The following OPCML variants were observed in gnomAD, a reference collection of about 807,000 sequenced individuals.
OPCML encodes the protein opioid-binding protein/cell adhesion molecule.
Under a neutral mutation model 37.8 loss-of-function variants are expected in OPCML, and 13 were observed. The ratio of observed to expected loss-of-function variants is 0.34; its 90% CI spans 0.22 to 0.55. The LOEUF (loss-of-function observed/expected upper bound fraction) is 0.55. Ranked by LOEUF, OPCML falls within the 20% of genes least tolerant of loss-of-function variation. The probability of loss-of-function intolerance (pLI) is 0.91; values close to 1 mark genes in which losing one functional copy is unlikely to be tolerated. For missense variants in OPCML, 341 were observed against 435.6 expected, an observed-to-expected ratio of 0.78 and a Z score of 1.93; for synonymous variants, 176 against 168.8, an observed-to-expected ratio of 1.04 and a Z score of -0.33.
chr11:133,501,896 C>T (rs1341662611), intron 1 of OPCML, among the ~76,000 whole-genome samples: 1 of 152,112 alleles, frequency 6.6e-6, no homozygotes, highest in African/African-American at 2.4e-5. Context: ...GCCTTTCTGC[C>T]CACCAACATG....
At chr11:132,973,443 C>A (rs1409981849) in intron 1 of OPCML, among the ~76,000 whole-genome samples, 1 of 152,200 alleles carries the variant, frequency 6.6e-6, no homozygotes, top group Non-Finnish European at 1.5e-5. Context: ...CAAAAGGTTT[C>A]TACTTTCTTC....
chr11:132,468,378 T>C (rs958048420), intron 4 of OPCML, among the ~76,000 whole-genome samples: 1 of 152,200 alleles, frequency 6.6e-6, no homozygotes, highest in African/African-American at 2.4e-5. Flanking sequence ...CCTGAACAAC[T>C]AGTGCCTTTT....
intron 2 of OPCML, among the ~76,000 whole-genome samples, chr11:132,890,671 C>T (rs1212338115): frequency 6.8e-6 from 1 of 148,080 alleles, no homozygotes; most frequent in Non-Finnish European, 1.5e-5. Context: ...ATGGTGAAAC[C>T]CTGTCTCTAC....
At chr11:133,058,640 A>G (rs930873629) in intron 1 of OPCML, among the ~76,000 whole-genome samples, 5 of 152,194 alleles carry the variant, frequency 3.3e-5, no homozygotes, top group African/African-American at 1.2e-4. Flanking sequence ...ATCTCGGAGC[A>G]CGCTGGCTAA....
chr11:132,439,073 T>C (rs1201121627), intron 4 of OPCML, among the ~76,000 whole-genome samples: 2 of 152,158 alleles, frequency 1.3e-5, no homozygotes, highest in East Asian at 3.9e-4. Context: ...AAATAATGCA[T>C]TGGCTAGTGG....
chr11:132,657,544 G>T, intron 2 of OPCML: 1 of 500,702 alleles, frequency 2.0e-6, no homozygotes, highest in Non-Finnish European at 2.6e-6. Context: ...ATTTGACTTC[G>T]AGACATATTA....
intron 1 of OPCML, among the ~76,000 whole-genome samples, chr11:133,525,362 C>T (rs1009958677): frequency 2.8e-4 from 43 of 152,134 alleles, no homozygotes; most frequent in African/African-American, 6.5e-4. Flanking sequence ...GCCTTGTCTA[C>T]GGAACTGTGA....
In OPCML at chr11:133,524,338, A is replaced by G. The variant is rs1012043859; in HGVS notation, c.61+7926T>C. 2.6e-5 allele frequency among the ~76,000 whole-genome samples: 4 copies of G among 152,296 alleles called. No homozygotes were observed. The South Asian group carries it at 6.2e-4, about 24-fold the overall frequency. On this transcript the variant is annotated intron_variant, in intron 1 of 7. Transcript: ENST00000524381. ...TGCTAAGCTGCTTTTTACCTTTTCC[A>G]TATGAACATCAACCCGTTTAAGCAT...
At chr11:132,626,872 A>G (rs1939779915) in intron 3 of OPCML, among the ~76,000 whole-genome samples, 1 of 99,510 alleles carries the variant, frequency 1.0e-5, no homozygotes, top group African/African-American at 4.1e-5. Flanking sequence ...ATATATAGAC[A>G]CACACATACA....
chr11:133,498,816 G>A (rs564290542), intron 1 of OPCML, among the ~76,000 whole-genome samples: 3 of 152,190 alleles, frequency 2.0e-5, no homozygotes, highest in Non-Finnish European at 4.4e-5. Context: ...GCAGGCCAGA[G>A]GAGTGATCTG....
At chr11:132,992,650 T>G (rs1008371284) in intron 1 of OPCML, among the ~76,000 whole-genome samples, 2 of 152,116 alleles carry the variant, frequency 1.3e-5, no homozygotes, top group African/African-American at 2.4e-5. Context: ...CACTAGGAAG[T>G]GTTAACTAAG....
At chr11:132,843,085 TTTCTTTC>T (rs1941365704) in intron 2 of OPCML, among the ~76,000 whole-genome samples, 1 of 53,200 alleles carries the variant, frequency 1.9e-5, no homozygotes, top group Non-Finnish European at 4.5e-5. Context: ...GTGGTTCCTT[TTTCTTTC>T]TTTTTTTTTT....
intron 1 of OPCML, among the ~76,000 whole-genome samples, chr11:133,193,072 T>C (rs1938389721): frequency 6.6e-6 from 1 of 152,142 alleles, no homozygotes; most frequent in Admixed American, 6.5e-5. Context: ...AAAACCAGAA[T>C]TGAGTGCTTT....
chr11:132,767,406 T>G (rs1371969621), intron 2 of OPCML, among the ~76,000 whole-genome samples: 2 of 152,204 alleles, frequency 1.3e-5, no homozygotes, highest in Non-Finnish European at 2.9e-5. Flanking sequence ...ATAACTAATA[T>G]TAGCACAGAA....
At chr11:133,258,908 G>T (rs1216033823) in intron 1 of OPCML, among the ~76,000 whole-genome samples, 1 of 152,204 alleles carries the variant, frequency 6.6e-6, no homozygotes, top group Non-Finnish European at 1.5e-5. Flanking sequence ...GAAAAAAACT[G>T]CAGTGGAACA....
intron 2 of OPCML, among the ~76,000 whole-genome samples, chr11:132,854,026 G>T (rs146298766): frequency 6.6e-6 from 1 of 152,230 alleles, no homozygotes; most frequent in Non-Finnish European, 1.5e-5. Context: ...CCACAAGACT[G>T]CCCTAACATC....
chr11:133,241,050 C>T (rs75998018), intron 1 of OPCML, among the ~76,000 whole-genome samples: 2,221 of 152,292 alleles, frequency 0.015, 25 homozygotes, highest in Middle Eastern at 0.027. Context: ...AAAACGCAGC[C>T]CTTCCTCTTT....
In OPCML at chr11:132,481,832, C is replaced by T. The variant is rs1368806887; in HGVS notation, c.506-44473G>A. Among the ~76,000 whole-genome samples the T allele has an allele frequency of 5.3e-5, 8 of 150,644 alleles. No individual in the cohort carries two copies. The East Asian group carries it at 1.2e-3, about 22-fold the overall frequency. ...TCCTGAATGACTACTGGGTACATAACGAAATGAAGGCAGAAATAAAGATGT... is the reference window on the plus strand; with the variant it reads ...TCCTGAATGACTACTGGGTACATAATGAAATGAAGGCAGAAATAAAGATGT... On this transcript the variant is annotated intron_variant, in intron 4 of 7. Coordinates refer to ENST00000524381, the MANE Select transcript of OPCML (RefSeq NM_001012393.5).
chr11:132,469,849 GTGTA>G (rs1345535961), intron 4 of OPCML, among the ~76,000 whole-genome samples: 1 of 133,870 alleles, frequency 7.5e-6, no homozygotes, highest in African/African-American at 2.8e-5. Context: ...CTGTATGTGT[GTGTA>G]TGTATGTGTG....
Sources: allele counts gnomAD v4.1 joint callset (sites outside exome capture counted in the v4.1 genomes callset), GRCh38; gene constraint gnomAD v4.1.1; transcripts MANE v1.5; gene names NCBI Gene and HGNC (gene_info 2026-07-23, HGNC 2026-07-21).